The following TMEM232 variants were observed in gnomAD, a reference collection of about 807,000 sequenced individuals.
The protein encoded by TMEM232 is transmembrane protein 232.
A neutral mutation model predicts 78.8 loss-of-function variants in TMEM232; 80 were observed. The observed-to-expected ratio is 1.01, with a 90% CI of 0.85 to 1.22. The LOEUF is 1.22. Ranked by LOEUF, TMEM232 falls within the 50% of genes most tolerant of loss-of-function variation. The probability of loss-of-function intolerance (pLI) is 0.00; values close to 1 mark genes in which losing one functional copy is unlikely to be tolerated. For missense variants in TMEM232, 881 were observed against 742.2 expected, an observed-to-expected ratio of 1.19 and a Z score of -2.17; for synonymous variants, 297 against 254.3, an observed-to-expected ratio of 1.17 and a Z score of -1.60.
chr5:110,461,199 A>C (rs879785799), intron 12 of TMEM232, among the ~76,000 whole-genome samples: 1 of 152,166 alleles, frequency 6.6e-6, no homozygotes, highest in Non-Finnish European at 1.5e-5. Flanking sequence ...AATGCAAAAA[A>C]AAGAATCGTT....
chr5:110,409,248 T>C (rs1374582892), intron 2 of TMEM232, among the ~76,000 whole-genome samples: 1 of 152,218 alleles, frequency 6.6e-6, no homozygotes, highest in African/African-American at 2.4e-5. Context: ...CAAACTCTTT[T>C]TTCAATGCCA....
intron 6 of TMEM232, 140 bp downstream of exon 6, chr5:110,627,641 C>G (rs1389767945): frequency 3.7e-6 from 2 of 537,994 alleles, no homozygotes; most frequent in Non-Finnish European, 6.3e-6. Flanking sequence ...CAATCTGGCC[C>G]TGAAGCTGTG....
At chr5:110,539,411 GC>G (rs1235348598) in intron 11 of TMEM232, among the ~76,000 whole-genome samples, 2 of 152,168 alleles carry the variant, frequency 1.3e-5, no homozygotes, top group Non-Finnish European at 2.9e-5. Flanking sequence ...AATTAATGAG[GC>G]TATTATCCCT....
chr5:110,570,306 G>A (rs575169436), intron 10 of TMEM232, among the ~76,000 whole-genome samples: 1 of 151,952 alleles, frequency 6.6e-6, no homozygotes, highest in Admixed American at 6.6e-5. Flanking sequence ...CTGAACATTT[G>A]GACTATAATA....
rs1217234777 is a variant in TMEM232, at chr5:110,605,278, G to A, written c.1107C>T (p.Cys369=). ...YIYTVILAEI[C]LYAATSDLRK... ...GCAAATCAGAAGTGGCTGCATACAAGCAGATTTCTGCAAGAATTACTGTAT... is the reference window on the plus strand; with the variant it reads ...GCAAATCAGAAGTGGCTGCATACAAACAGATTTCTGCAAGAATTACTGTAT... The change falls in exon 10 of 14, where the codon TGC becomes TGT. Residue 369 remains cysteine (C), a synonymous_variant. Coordinates refer to ENST00000455884, the MANE Select transcript of TMEM232 (RefSeq NM_001039763.4). 3 of 1,551,176 alleles carry A rather than the reference G, an allele frequency of 1.9e-6. No homozygotes were observed. The highest frequency in any genetic ancestry group is 1.2e-5 in the South Asian group (1 of 84,058).
At chr5:110,442,211 C>A (rs984861949) in intron 12 of TMEM232, among the ~76,000 whole-genome samples, 2 of 152,188 alleles carry the variant, frequency 1.3e-5, no homozygotes, top group African/African-American at 4.8e-5. Flanking sequence ...CTTTCTACCC[C>A]TATCTCTTTT....
intron 12 of TMEM232, 78 bp downstream of exon 12, chr5:110,528,510 G>T: frequency 7.4e-7 from 1 of 1,355,372 alleles, no homozygotes. Context: ...AAATGATGTG[G>T]CACATAATTA....
chr5:110,693,318 A>G (rs978081983), intron 1 of TMEM232, among the ~76,000 whole-genome samples: 1 of 152,226 alleles, frequency 6.6e-6, no homozygotes, highest in Non-Finnish European at 1.5e-5. Context: ...CACTATCATC[A>G]AAGACCAAAG....
intron 12 of TMEM232, among the ~76,000 whole-genome samples, chr5:110,523,552 A>G (rs1581063534): frequency 1.3e-5 from 2 of 152,054 alleles, no homozygotes; most frequent in South Asian, 2.1e-4. Flanking sequence ...TGCTCCATCC[A>G]TAAGTTTTAG....
intron 12 of TMEM232, among the ~76,000 whole-genome samples, chr5:110,475,583 A>C (rs1480322527): frequency 2.8e-5 from 4 of 142,932 alleles, no homozygotes; most frequent in African/African-American, 9.1e-5. Flanking sequence ...GAAAACTGCC[A>C]ATCTCCAAAG....
At chr5:110,711,715 G>GA (rs1308197385) in intron 1 of TMEM232, among the ~76,000 whole-genome samples, 1 of 152,072 alleles carries the variant, frequency 6.6e-6, no homozygotes, top group Non-Finnish European at 1.5e-5. Context: ...GTAGTGCTGG[G>GA]AAAACTGGAT....
intron 2 of TMEM232, among the ~76,000 whole-genome samples, chr5:110,652,294 G>GCGCGCACACACACACA (rs1554069154): frequency 0.04 from 5,792 of 145,366 alleles, 161 homozygotes; most frequent in Non-Finnish European, 0.051. Context: ...GCACGCGCGC[G>GCGCGCACACACACACA]CACACACACA....
At chr5:110,397,693 A>T (rs928254145) in intron 3 of TMEM232, 20 of 151,866 alleles carry the variant, frequency 1.3e-4, no homozygotes, top group Admixed American at 2.6e-4. Flanking sequence ...TATAAGAATA[A>T]GTTGGTTTCT....
At chr5:110,581,160 AC>A (rs1778163995) in intron 10 of TMEM232, among the ~76,000 whole-genome samples, 1 of 151,944 alleles carries the variant, frequency 6.6e-6, no homozygotes, top group Admixed American at 6.6e-5. Flanking sequence ...TAGAAAAAAA[AC>A]ACAATTCTAA....
At chr5:110,394,118 TG>T (rs1755302492) in intron 3 of TMEM232, among the ~76,000 whole-genome samples, 1 of 152,184 alleles carries the variant, frequency 6.6e-6, no homozygotes, top group African/African-American at 2.4e-5. Context: ...TCCCAGCCTT[TG>T]GTAATCATCA....
chr5:110,695,900 T>C (rs557563610), intron 1 of TMEM232, among the ~76,000 whole-genome samples: 69 of 152,288 alleles, frequency 4.5e-4, no homozygotes, highest in African/African-American at 1.6e-3. Context: ...CCATTCCTTC[T>C]GAAACTATTC....
At chr5:110,718,469 T>A (rs1797248482) in intron 1 of TMEM232, among the ~76,000 whole-genome samples, 1 of 152,160 alleles carries the variant, frequency 6.6e-6, no homozygotes. Flanking sequence ...CTGTTAATCT[T>A]ATTTATGTTC....
At chr5:110,417,408 G>T (rs190396876), downstream of TMEM232, among the ~76,000 whole-genome samples, 1 of 152,172 alleles carries the variant, frequency 6.6e-6, no homozygotes, top group East Asian at 1.9e-4. Flanking sequence ...AATTTATCTG[G>T]TACCCAACCC....
At chr5:110,408,152 G>C (rs1265060769) in intron 2 of TMEM232, among the ~76,000 whole-genome samples, 2 of 152,032 alleles carry the variant, frequency 1.3e-5, no homozygotes, top group Non-Finnish European at 2.9e-5. Flanking sequence ...TATAGCAATA[G>C]ACACCTATAT....
Sources: gnomAD v4.1 joint callset for allele counts (sites outside exome capture counted in the v4.1 genomes callset) on GRCh38, gnomAD v4.1.1 for gene constraint, MANE v1.5 for transcripts, NCBI Gene and HGNC (gene_info 2026-07-23, HGNC 2026-07-21) for gene names.